SLC13A5: variants seen among roughly 807,000 people sequenced by gnomAD.
The protein encoded by SLC13A5 is solute carrier family 13 member 5, also known as Na(+)/citrate cotransporter.
In SLC13A5, 25 loss-of-function variants were observed where a neutral mutation model predicts 56.5. The ratio of observed to expected loss-of-function variants is 0.44; its 90% CI spans 0.32 to 0.62. The LOEUF is 0.62. Ranked by LOEUF, SLC13A5 falls within the 20% of genes least tolerant of loss-of-function variation. SLC13A5 has a pLI of 0.04. For missense variants in SLC13A5, 649 were observed against 737.8 expected (o/e 0.88, Z 1.39); for synonymous variants, 307 against 301.5 (o/e 1.02, Z -0.19).
intron 5 of SLC13A5, 128 bp downstream of exon 5, chr17:6,702,842 G>T (rs1315798437): frequency 5.1e-6 from 6 of 1,168,748 alleles, no homozygotes; most frequent in Non-Finnish European, 7.1e-6. Context: ...CCCCTGCCAG[G>T]CTCCCAGGCC....
chr17:6,708,662 C>A (rs769690212), intron 1 of SLC13A5, among the ~76,000 whole-genome samples: 2 of 152,158 alleles, frequency 1.3e-5, no homozygotes, highest in East Asian at 3.8e-4. Context: ...ACATTGAAAA[C>A]AAGTTAGATA....
chr17:6,698,874 C>T (rs2151490035), intron 6 of SLC13A5, among the ~76,000 whole-genome samples: 1 of 151,826 alleles, frequency 6.6e-6, no homozygotes, highest in East Asian at 1.9e-4. Context: ...CCCATCTCTA[C>T]TAAAAAATAC....
At position 6,692,152 on chromosome 17, in the gene SLC13A5, G is replaced by A. The variant is rs1272921598; in HGVS notation, c.1275+892C>T. Among the ~76,000 whole-genome samples the A allele has an allele frequency of 6.6e-6, 1 of 151,806 alleles. No individual in the cohort carries two copies. Among genetic ancestry groups the A allele is most frequent in the East Asian group, 1.9e-4 (1 of 5,138 alleles). ...GGATGGATGGATGGATGGATGGATGGATGGATGGATGGATAGATGGGTGGA... is the reference window on the plus strand; with the variant it reads ...GGATGGATGGATGGATGGATGGATGAATGGATGGATGGATAGATGGGTGGA... On this transcript the variant is annotated intron_variant, in intron 9 of 11. Transcript: ENST00000433363. This position sits in a 1 kb window ranked among gnomAD's most constrained non-coding sequence, Gnocchi z 5.5.
At chr17:6,698,615 C>T (rs181462252) in intron 6 of SLC13A5, among the ~76,000 whole-genome samples, 99 of 152,356 alleles carry the variant, frequency 6.5e-4, no homozygotes, top group Middle Eastern at 3.4e-3. Context: ...GTCTCAGTCC[C>T]CCTACTTCCC....
At chr17:6,698,383 T>A (rs1973616736) in intron 6 of SLC13A5, among the ~76,000 whole-genome samples, 1 of 152,230 alleles carries the variant, frequency 6.6e-6, no homozygotes, top group Non-Finnish European at 1.5e-5. Context: ...GCCTGACATC[T>A]GCCTCTGGCC....
chr17:6,693,714 A>C (rs1339732985), intron 8 of SLC13A5: 1 of 163,256 alleles, frequency 6.1e-6, no homozygotes, highest in Non-Finnish European at 1.3e-5. Context: ...GGTAGAAGAA[A>C]CAACAAACAA....
At chr17:6,712,126 A>C (rs1974056954) in intron 1 of SLC13A5, among the ~76,000 whole-genome samples, 1 of 152,234 alleles carries the variant, frequency 6.6e-6, no homozygotes, top group Non-Finnish European at 1.5e-5. Flanking sequence ...ACTTGGCTAA[A>C]GTCACACAGA....
At position 6,701,140 on chromosome 17, in the gene SLC13A5, C is replaced by T. The variant is rs1406489619; in HGVS notation, c.717-14G>A. 2 of 1,613,242 alleles carry T rather than the reference C, an allele frequency of 1.2e-6. No homozygotes were observed. Among genetic ancestry groups the T allele is most frequent in the East Asian group, 2.2e-5 (1 of 44,866 alleles). ...TCAGGAAACAACCTACAAGAAGACA[C>T]CGGCCCCCACCTCAGATGCTGAGCT... On this transcript the variant is annotated splice_polypyrimidine_tract_variant and intron_variant, in intron 5 of 11. Coordinates refer to ENST00000433363, the MANE Select transcript of SLC13A5 (RefSeq NM_177550.5). The surrounding 1 kb of genome is among the most constrained non-coding windows in gnomAD (Gnocchi z 4.1).
At chr17:6,702,368 C>A (rs550796040) in intron 5 of SLC13A5, among the ~76,000 whole-genome samples, 2 of 152,312 alleles carry the variant, frequency 1.3e-5, no homozygotes, top group South Asian at 4.1e-4. Context: ...GCCTGCATCC[C>A]TTTGTGGCCA....
At chr17:6,708,884 A>G (rs1401136375) in intron 1 of SLC13A5, among the ~76,000 whole-genome samples, 1 of 152,158 alleles carries the variant, frequency 6.6e-6, no homozygotes, top group Non-Finnish European at 1.5e-5. Context: ...AGGAAACCAT[A>G]CTAGCCAAAG....
At chr17:6,702,827 T>C in intron 5 of SLC13A5, 143 bp downstream of exon 5, 1 of 1,010,526 alleles carries the variant, frequency 9.9e-7, no homozygotes. Flanking sequence ...GGCCACATCT[T>C]TCCACCCCTG....
intron 6 of SLC13A5, among the ~76,000 whole-genome samples, chr17:6,699,745 T>A (rs1470521733): frequency 7.3e-5 from 11 of 150,530 alleles, no homozygotes; most frequent in Non-Finnish European, 1.5e-4. Flanking sequence ...TGCTGGGATT[T>A]CAGGCGTGGG....
At chr17:6,696,877 T>C (rs1973576057) in intron 6 of SLC13A5, among the ~76,000 whole-genome samples, 1 of 152,132 alleles carries the variant, frequency 6.6e-6, no homozygotes, top group African/African-American at 2.4e-5. Flanking sequence ...AGGAGCTCAT[T>C]CCTGAAGCCA....
At chr17:6,688,772 A>G (rs1289613209) in intron 10 of SLC13A5, 1 of 152,256 alleles carries the variant, frequency 6.6e-6, no homozygotes, top group Non-Finnish European at 1.5e-5. Flanking sequence ...CTCTGTCTCA[A>G]AAAAAGTGTG....
Position 6,703,894 on chromosome 17 carries a change from C to G in SLC13A5, c.531G>C (p.Lys177Asn). ...EAGLELVDKG[K>N]AKELPGSQVI... ...GGGGCTCACCTGGCAGCTCCTTGGCCTTGCCCTTGTCCACCAGCTCCAGGC... is the reference window on the plus strand; with the variant it reads ...GGGGCTCACCTGGCAGCTCCTTGGCGTTGCCCTTGTCCACCAGCTCCAGGC... The change falls in exon 4 of 12, where the codon AAG (lysine) becomes AAC (asparagine). Residue 177 changes from lysine to asparagine, a missense_variant. Transcript: ENST00000433363. The G allele has an allele frequency of 6.4e-7, 1 of 1,564,228 alleles. No individual in the cohort carries two copies. The highest frequency in any genetic ancestry group is 1.3e-5 in the African/African-American group (1 of 74,270).
intron 1 of SLC13A5, among the ~76,000 whole-genome samples, chr17:6,709,264 TTTATTTAC>T (rs1270743967): frequency 6.6e-6 from 1 of 151,388 alleles, no homozygotes; most frequent in Non-Finnish European, 1.5e-5. Context: ...TATTTATTTA[TTTATTTAC>T]TTACTTACTT....
intron 8 of SLC13A5, 101 bp downstream of exon 8, chr17:6,693,996 T>C: frequency 1.7e-6 from 1 of 599,364 alleles, no homozygotes; most frequent in Non-Finnish European, 2.7e-6. Flanking sequence ...CTCTTGGATA[T>C]GATGGGATTT....
At chr17:6,704,231 T>C in intron 3 of SLC13A5, 175 bp from the exon 4 acceptor site, 2 of 730,328 alleles carry the variant, frequency 2.7e-6, no homozygotes, top group Non-Finnish European at 4.9e-6. Flanking sequence ...CCCTCCCTCC[T>C]TCCCTTCTTT....
Position 6,706,685 on chromosome 17 carries a change from T to A in SLC13A5, c.325A>T (p.Ile109Phe). The change falls in exon 3 of 12, where the codon ATC becomes TTC. Residue 109 changes from isoleucine (I) to phenylalanine (F), a missense_variant. By Grantham distance (21) the Ile-to-Phe change is conservative (BLOSUM62 0). Transcript: ENST00000433363. Reference protein sequence around the residue: ...AVERWNLHKRIALRTLLWVGA... With the variant: ...AVERWNLHKRFALRTLLWVGA... Reference sequence around the variant, plus strand: ...ACCCAGAGGAGCGTGCGCAGGGCGATCCTCTTGTGCAGGTTCCAGCGCTCC... The same window carrying A: ...ACCCAGAGGAGCGTGCGCAGGGCGAACCTCTTGTGCAGGTTCCAGCGCTCC... 1 of 1,613,876 alleles carries A rather than the reference T, an allele frequency of 6.2e-7. No individual in the cohort carries two copies. The highest frequency in any genetic ancestry group is 2.2e-5 in the East Asian group (1 of 44,856).
Sources: gnomAD v4.1 joint callset for allele counts (sites outside exome capture counted in the v4.1 genomes callset) on GRCh38, gnomAD v4.1.1 for gene constraint, Gnocchi (gnomAD v3.1) non-coding constraint, MANE v1.5 for transcripts, NCBI Gene and HGNC (gene_info 2026-07-23, HGNC 2026-07-21) for gene names.